The following ATRNL1 variants were observed in gnomAD, a reference collection of about 807,000 sequenced individuals.
The protein encoded by ATRNL1 is attractin like 1.
Under a neutral mutation model 182.7 loss-of-function variants are expected in ATRNL1, and 95 were observed. The ratio of observed to expected loss-of-function variants is 0.52; its 90% confidence interval spans 0.44 to 0.62. The LOEUF (loss-of-function observed/expected upper bound fraction) is 0.62. Ranked by LOEUF, ATRNL1 falls within the 20% of genes least tolerant of loss-of-function variation. ATRNL1 has a pLI of 0.00. For missense variants in ATRNL1, 1,471 were observed against 1,679.5 expected, an observed-to-expected ratio of 0.88 and a Z score of 2.17; for synonymous variants, 576 against 568.3, an observed-to-expected ratio of 1.01 and a Z score of -0.19.
At chr10:115,386,507 T>C (rs535586230) in intron 19 of ATRNL1, among the ~76,000 whole-genome samples, 5 of 152,268 alleles carry the variant, frequency 3.3e-5, no homozygotes, top group African/African-American at 1.2e-4. Context: ...TGTGACTGCC[T>C]TGATCAGCTA....
At chr10:115,185,551 C>T (rs1369154451) in intron 8 of ATRNL1, among the ~76,000 whole-genome samples, 1 of 151,928 alleles carries the variant, frequency 6.6e-6, no homozygotes, top group Non-Finnish European at 1.5e-5. Flanking sequence ...AGTAGACAGA[C>T]AGGTACAAAT....
intron 25 of ATRNL1, among the ~76,000 whole-genome samples, chr10:115,531,414 C>T (rs1554988209): frequency 6.6e-6 from 1 of 152,150 alleles, no homozygotes; most frequent in Non-Finnish European, 1.5e-5. Context: ...TTTTTGGCTG[C>T]ATAAATGTCT....
chr10:115,753,328 G>A (rs1262162871), intron 27 of ATRNL1, among the ~76,000 whole-genome samples: 2 of 25,078 alleles, frequency 8.0e-5, no homozygotes, highest in East Asian at 4.7e-3. Context: ...CTCCCCTAGT[G>A]CCTCATTCCC....
intron 26 of ATRNL1, among the ~76,000 whole-genome samples, chr10:115,640,945 TG>T (rs1555030105): frequency 6.6e-6 from 1 of 152,200 alleles, no homozygotes; most frequent in Non-Finnish European, 1.5e-5. Flanking sequence ...AGTTAATTTT[TG>T]TATAAGGTGT....
At chr10:115,364,134 A>G (rs1341364705) in intron 19 of ATRNL1, among the ~76,000 whole-genome samples, 3 of 144,462 alleles carry the variant, frequency 2.1e-5, no homozygotes, top group African/African-American at 7.6e-5. Context: ...CACGATATTG[A>G]TTCTTCCTAC....
In ATRNL1 at chr10:115,469,287, C is replaced by T. The variant is rs1456087453; in HGVS notation, c.3612C>T (p.Phe1204=). ...FNFRSNPNIT[F]YVYVSNFSWP... The stretch of plus-strand genomic sequence containing the variant: ...TTAGAAGCAATCCTAACATTACATT[C>T]TATGTGTACGTCAGCAACTTTTCCT... The change falls in exon 24 of 29, where the codon TTC becomes TTT. Residue 1204 remains phenylalanine (F), a synonymous_variant. Coordinates refer to ENST00000355044, the MANE Select transcript of ATRNL1 (RefSeq NM_207303.4). The T allele has an allele frequency of 1.2e-5, 19 of 1,536,426 alleles. No individual in the cohort carries two copies. Among genetic ancestry groups the T allele is most frequent in the Non-Finnish European group, 1.7e-5 (19 of 1,144,386 alleles).
intron 27 of ATRNL1, among the ~76,000 whole-genome samples, chr10:115,783,428 T>G (rs1236586068): frequency 6.6e-6 from 1 of 152,216 alleles, no homozygotes; most frequent in Non-Finnish European, 1.5e-5. Context: ...ACTAGCTAAA[T>G]AACTGTGAAC....
intron 21 of ATRNL1, among the ~76,000 whole-genome samples, chr10:115,451,017 A>C (rs1439643090): frequency 6.6e-6 from 1 of 152,114 alleles, no homozygotes; most frequent in Non-Finnish European, 1.5e-5. Context: ...AAAAACAAGC[A>C]ATGAAGACTC....
chr10:115,800,494 A>G (rs1949766780), intron 27 of ATRNL1, among the ~76,000 whole-genome samples: 1 of 152,188 alleles, frequency 6.6e-6, no homozygotes, highest in Non-Finnish European at 1.5e-5. Context: ...GAAGTATGTT[A>G]CCATCTGTTT....
At chr10:115,509,967 T>G (rs941400860) in intron 24 of ATRNL1, among the ~76,000 whole-genome samples, 1 of 151,986 alleles carries the variant, frequency 6.6e-6, no homozygotes, top group Non-Finnish European at 1.5e-5. Context: ...TGGAAGAAGT[T>G]GATTCCCACC....
At chr10:115,561,696 T>TGTGTGGGGGG (rs1565167385) in intron 26 of ATRNL1, among the ~76,000 whole-genome samples, 13 of 101,892 alleles carry the variant, frequency 1.3e-4, no homozygotes, top group Non-Finnish European at 2.1e-4. Flanking sequence ...TGTGGGTGTG[T>TGTGTGGGGGG]GTGTGTGGGT....
At chr10:115,257,321 G>A (rs1851192280) in intron 10 of ATRNL1, among the ~76,000 whole-genome samples, 1 of 152,142 alleles carries the variant, frequency 6.6e-6, no homozygotes, top group African/African-American at 2.4e-5. Context: ...CCTGTATTGG[G>A]TGCATATATA....
intron 26 of ATRNL1, among the ~76,000 whole-genome samples, chr10:115,701,249 T>A (rs1457971530): frequency 6.6e-6 from 1 of 151,964 alleles, no homozygotes; most frequent in Non-Finnish European, 1.5e-5. Context: ...AAAAAATTAT[T>A]GGAAATAAGT....
At chr10:115,142,197 C>T (rs149462743) in intron 5 of ATRNL1, among the ~76,000 whole-genome samples, 1 of 152,228 alleles carries the variant, frequency 6.6e-6, no homozygotes, top group East Asian at 1.9e-4. Context: ...CTGGGGGTTA[C>T]ATTTAAAATA....
rs543896406 is a variant in ATRNL1, at chr10:115,902,042, C to T, written c.4019-42616C>T. ...TGCACGCTGAGATTGTTTTGGAGAT[C>T]TTTTAACTTAGCTCGTTATAATCAA... On this transcript the variant is annotated intron_variant, in intron 28 of 28. Transcript: ENST00000355044. Among the ~76,000 whole-genome samples, 4 of 152,278 alleles carry T rather than the reference C, an allele frequency of 2.6e-5. No individual in the cohort carries two copies. The East Asian group carries it at 7.7e-4, about 29-fold the overall frequency.
intron 9 of ATRNL1, among the ~76,000 whole-genome samples, chr10:115,228,766 CTT>C (rs35765835): frequency 9.7e-5 from 13 of 133,750 alleles, no homozygotes; most frequent in Non-Finnish European, 8.0e-5. Context: ...TTCTTTCTTT[CTT>C]TTTTTTTTTT....
intron 26 of ATRNL1, among the ~76,000 whole-genome samples, chr10:115,572,009 A>C (rs2250483): frequency 0.49 from 73,841 of 151,754 alleles, 19,189 homozygotes; most frequent in East Asian, 0.84. Context: ...AAATGTGAAG[A>C]AAAAGGGAAA....
intron 7 of ATRNL1, among the ~76,000 whole-genome samples, chr10:115,169,410 T>C (rs1447101790): frequency 6.6e-6 from 1 of 151,934 alleles, no homozygotes; most frequent in African/African-American, 2.4e-5. Context: ...GGTTTCACCA[T>C]GTTGGCCAGG....
chr10:115,365,691 A>T (rs1219737099), intron 19 of ATRNL1, among the ~76,000 whole-genome samples: 2 of 151,284 alleles, frequency 1.3e-5, no homozygotes, highest in East Asian at 3.9e-4. Context: ...CACTGCTTTG[A>T]ATGCGTCCCA....
Sources: gnomAD v4.1 joint callset for allele counts (sites outside exome capture counted in the v4.1 genomes callset) on GRCh38, gnomAD v4.1.1 for gene constraint, MANE v1.5 for transcripts, NCBI Gene and HGNC (gene_info 2026-07-23, HGNC 2026-07-21) for gene names.